Variants in RIMS3 observed in about 807,000 individuals in gnomAD.
RIMS3 encodes the protein regulating synaptic membrane exocytosis 3, also known as regulating synaptic membrane exocytosis protein 3.
RIMS3 carries 15 observed loss-of-function variants against 29.2 expected under a neutral mutation model. That is an observed-to-expected ratio of 0.51 (90% CI 0.34 to 0.79). The LOEUF is 0.79. Among genes scored for constraint, RIMS3 ranks in the 30% least tolerant of loss-of-function variants. The pLI is 0.01. For missense variants in RIMS3, 342 were observed against 421.4 expected (o/e 0.81, Z 1.65); for synonymous variants, 161 against 170.1 (o/e 0.95, Z 0.41).
the RIMS3 span, chr1:40,691,923 G>C: frequency 5.9e-6 from 2 of 341,328 alleles, no homozygotes; most frequent in Non-Finnish European, 1.2e-5. Context: ...GGCGGCGGGG[G>C]GAGGGGCAGC....
rs1646469865 is a variant in RIMS3 at position 40,628,723 on chromosome 1, G to T, written c.714+87C>A. On this transcript the variant is annotated intron_variant, in intron 7 of 7. Coordinates refer to ENST00000372684, the MANE Select transcript of RIMS3 (RefSeq NM_014747.3). The stretch of plus-strand genomic sequence containing the variant: ...ATTAATGCACCTACCACAGCACCTG[G>T]CACAGGATGAATCATAAATGAAAAA... 1.1e-4 allele frequency: 175 copies of T among 1,556,384 alleles called. 2 individuals are homozygous for T. The South Asian group carries it at 1.9e-3, about 17-fold the overall frequency.
At position 40,637,718 on chromosome 1, in the gene RIMS3, G is replaced by A. The variant is rs377359476; in HGVS notation, c.218-1661C>T. Among the ~76,000 whole-genome samples the A allele has an allele frequency of 3.0e-4, 46 of 152,272 alleles. No homozygotes were observed. In the East Asian group the frequency reaches 7.7e-3, roughly 26 times the overall value. ...CTCTGCCACCTTCAGTCAAGTCACA[G>A]ACACATGATCTTCACATGTAACACT... On this transcript the variant is annotated intron_variant, in intron 3 of 7. Coordinates refer to ENST00000372684, the MANE Select transcript of RIMS3 (RefSeq NM_014747.3).
chr1:40,648,815 C>T (rs889423057), intron 1 of RIMS3, among the ~76,000 whole-genome samples: 5 of 152,126 alleles, frequency 3.3e-5, no homozygotes, highest in South Asian at 2.1e-4. Flanking sequence ...TGAGAGGTGG[C>T]GCATGAAGCT....
chr1:40,653,274 T>C (rs146288856), intron 1 of RIMS3, among the ~76,000 whole-genome samples: 9 of 151,828 alleles, frequency 5.9e-5, no homozygotes, highest in African/African-American at 2.2e-4. Flanking sequence ...TGAGGAAAGA[T>C]TGAGAGGTAG....
chr1:40,677,300 G>A, the RIMS3 span, among the ~76,000 whole-genome samples: 1 of 151,494 alleles, frequency 6.6e-6, no homozygotes, highest in African/African-American at 2.4e-5. Flanking sequence ...CCACCGTGCC[G>A]GCCTAATATA....
intron 1 of RIMS3, among the ~76,000 whole-genome samples, chr1:40,659,272 C>T (rs1046418760): frequency 3.3e-5 from 5 of 152,046 alleles, no homozygotes; most frequent in African/African-American, 9.7e-5. Context: ...CAAAGTGTGG[C>T]GGGGAAGCAG....
chr1:40,688,027 C>T, the RIMS3 span, among the ~76,000 whole-genome samples: 1 of 152,134 alleles, frequency 6.6e-6, no homozygotes, highest in African/African-American at 2.4e-5. Context: ...TGCAATGGTG[C>T]GATCTCGGCT....
chr1:40,684,284 C>G, the RIMS3 span, among the ~76,000 whole-genome samples: 25 of 152,328 alleles, frequency 1.6e-4, no homozygotes, highest in Middle Eastern at 3.4e-3. Flanking sequence ...CTGTCTCCCT[C>G]TCTGTCTGAA....
In RIMS3 at chr1:40,638,178, A is replaced by G. The variant is rs149304255; in HGVS notation, c.218-2121T>C. 3.8e-4 allele frequency among the ~76,000 whole-genome samples: 58 copies of G among 152,248 alleles called. 2 individuals carry two copies. In the South Asian group the frequency reaches 6.4e-3, roughly 17 times the overall value. ...GGAAGCCTGAGGTTCAGGTGCCGAG[A>G]GAGCTGGGACTAGATCAGGCCCACA... On this transcript the variant is annotated intron_variant, in intron 3 of 7. Coordinates refer to ENST00000372684, the MANE Select transcript of RIMS3 (RefSeq NM_014747.3).
In RIMS3 at chr1:40,620,906, T is replaced by C. The variant is rs1646416987; in HGVS notation, c.*5611A>G. ...TATAAAAGGCTAATTGCTTCTTATC[T>C]AAACAGTGTGCTTGTCAGTCCCTAT... On this transcript the variant is annotated 3_prime_UTR_variant, in exon 8 of 8. Coordinates refer to ENST00000372684, the MANE Select transcript of RIMS3 (RefSeq NM_014747.3). 6.5e-6 allele frequency: 1 copy of C among 152,794 alleles called. No individual in the cohort carries two copies. The highest frequency in any genetic ancestry group is 6.5e-5 in the Admixed American group (1 of 15,298). 9.5% of individuals were successfully genotyped at this position (152,794 alleles called of 1,614,324 possible). A position where few individuals can be genotyped will look rare whatever the true frequency, so the allele number is the denominator to read the frequency against.
Position 40,626,418 on chromosome 1 carries a change from CAAGGGGTCCAGAAAGACACGAAGACT to C in RIMS3, c.*73_*98del, listed in dbSNP as rs1488743666. ...AGTAGCCAACAGGCATGCAGCAGGACAAGGGGTCCAGAAAGACACGAAGACTATGTACAGGGGAGGACATGGGGCCA... is the reference window on the plus strand; with the variant it reads ...AGTAGCCAACAGGCATGCAGCAGGACATGTACAGGGGAGGACATGGGGCCA... On this transcript the variant is annotated 3_prime_UTR_variant, in exon 8 of 8. Transcript: ENST00000372684. 8.8e-7 allele frequency: 1 copy of C among 1,134,828 alleles called. No homozygotes were observed. 70.3% of individuals were successfully genotyped at this position (1,134,828 alleles called of 1,614,324 possible).
chr1:40,676,011 G>A, the RIMS3 span, among the ~76,000 whole-genome samples: 4 of 152,160 alleles, frequency 2.6e-5, no homozygotes, highest in Non-Finnish European at 5.9e-5. Context: ...CCAAGAGAAG[G>A]CAGAAGCCTG....
chr1:40,659,390 CA>C (rs1198656775), intron 1 of RIMS3, among the ~76,000 whole-genome samples: 2 of 152,100 alleles, frequency 1.3e-5, no homozygotes, highest in Non-Finnish European at 2.9e-5. Flanking sequence ...TTTTAAGTAG[CA>C]GGGGGTGACG....
At position 40,626,101 on chromosome 1, in the gene RIMS3, T is replaced by A; in HGVS notation, c.*416A>T. 1 of 233,322 alleles carries A rather than the reference T, an allele frequency of 4.3e-6. No individual in the cohort carries two copies. The highest frequency in any genetic ancestry group is 8.5e-6 in the Non-Finnish European group (1 of 117,078). The allele number at this position is 233,322 out of a possible 1,614,324, so 14.5% of individuals were successfully genotyped here. A position where few individuals can be genotyped will look rare whatever the true frequency, so the allele number is the denominator to read the frequency against. ...AGAGACCACCAGGAGCAGGCACAGG[T>A]GAAGAACACACAGGCTCTGCCCCAG... On this transcript the variant is annotated 3_prime_UTR_variant, in exon 8 of 8. Coordinates refer to ENST00000372684, the MANE Select transcript of RIMS3 (RefSeq NM_014747.3).
intron 5 of RIMS3, among the ~76,000 whole-genome samples, chr1:40,631,616 T>G (rs1570172340): frequency 6.6e-6 from 1 of 151,422 alleles, no homozygotes; most frequent in African/African-American, 2.4e-5. Flanking sequence ...GAGGTGGAGG[T>G]TGCAGTGAGC....
Position 40,654,080 on chromosome 1 carries a change from A to G in RIMS3, c.-206-6238T>C, listed in dbSNP as rs1642235549. On this transcript the variant is annotated intron_variant, in intron 1 of 7. Coordinates refer to ENST00000372684, the MANE Select transcript of RIMS3 (RefSeq NM_014747.3). This position sits in a 1 kb window ranked among gnomAD's most constrained non-coding sequence, Gnocchi z 5.3. ...CCCTCGCTGGGGGAGACACGGCAGT[A>G]CCACGGACAGCGGCTGGCGACTCGC... 6.6e-6 allele frequency among the ~76,000 whole-genome samples: 1 copy of G among 151,794 alleles called. No individual in the cohort carries two copies. The highest frequency in any genetic ancestry group is 2.1e-4 in the South Asian group (1 of 4,806).
intron 1 of RIMS3, among the ~76,000 whole-genome samples, chr1:40,648,787 T>C (rs1646611543): frequency 6.6e-6 from 1 of 152,190 alleles, no homozygotes; most frequent in South Asian, 2.1e-4. Context: ...TCAGGGTCCC[T>C]GCACTTTTCA....
rs117487355 is a variant in RIMS3, at chr1:40,641,899, G to A, written c.27C>T (p.Ala9=). Residue 9 remains alanine, a synonymous_variant, in exon 3 of 8, where the codon GCC becomes GCT. Coordinates refer to ENST00000372684, the MANE Select transcript of RIMS3 (RefSeq NM_014747.3). The part of the protein sequence containing the change: MFNGEPGP[A]SSGASRNVVR... ...CCACATTCCTGGAGGCCCCAGATGA[G>A]GCAGGACCTGGCTCCCCGTTAAACA... 1 of 1,613,736 alleles carries A rather than the reference G, an allele frequency of 6.2e-7. No individual in the cohort carries two copies. The highest frequency in any genetic ancestry group is 2.2e-5 in the East Asian group (1 of 44,882).
the RIMS3 span, chr1:40,687,674 C>T: frequency 1.3e-5 from 2 of 151,682 alleles, no homozygotes; most frequent in Non-Finnish European, 2.9e-5. Context: ...CCACTCACTT[C>T]CCGTATCAGA....
Sources: allele counts gnomAD v4.1 joint callset (sites outside exome capture counted in the v4.1 genomes callset), GRCh38; gene constraint gnomAD v4.1.1; non-coding constraint Gnocchi (gnomAD v3.1); transcripts MANE v1.5; gene names NCBI Gene and HGNC (gene_info 2026-07-23, HGNC 2026-07-21).